The following DZIP3 variants were observed in gnomAD, a reference collection of about 807,000 sequenced individuals.
DZIP3 encodes E3 ubiquitin-protein ligase DZIP3.
Under a neutral mutation model 162.0 loss-of-function variants are expected in DZIP3, and 118 were observed. That is an observed-to-expected ratio of 0.73 (90% CI 0.63 to 0.85). The LOEUF is 0.85. Ranked by LOEUF, DZIP3 falls within the 40% of genes least tolerant of loss-of-function variation. DZIP3 has a pLI of 0.00. For synonymous variants in DZIP3, 438 were observed against 458.6 expected (o/e 0.96, Z 0.57); for missense variants, 1,331 against 1,407.0 (o/e 0.95, Z 0.86).
intron 3 of DZIP3, among the ~76,000 whole-genome samples, chr3:108,609,460 C>T (rs1425508378): frequency 9.9e-5 from 15 of 152,262 alleles, no homozygotes; most frequent in Admixed American, 7.8e-4. Context: ...AAGGTGGACA[C>T]TTTGACCTGA....
At chr3:108,669,150 G>A (rs1159532497) in intron 21 of DZIP3, among the ~76,000 whole-genome samples, 1 of 151,914 alleles carries the variant, frequency 6.6e-6, no homozygotes, top group Non-Finnish European at 1.5e-5. Flanking sequence ...ATAAGATCAT[G>A]TGAGTGACCC....
chr3:108,684,133 A>G, intron 26 of DZIP3, 83 bp from the exon 27 acceptor site: 2 of 1,466,932 alleles, frequency 1.4e-6, no homozygotes, highest in South Asian at 1.4e-5. Context: ...ATATTGCTGT[A>G]TGAATTTAGA....
intron 21 of DZIP3, among the ~76,000 whole-genome samples, chr3:108,665,482 T>C (rs1943629122): frequency 6.6e-6 from 1 of 151,924 alleles, no homozygotes; most frequent in African/African-American, 2.4e-5. Flanking sequence ...TTTGAGCCAA[T>C]AACAAAAGAG....
At chr3:108,645,032 G>A (rs528717907) in intron 14 of DZIP3, among the ~76,000 whole-genome samples, 1 of 152,300 alleles carries the variant, frequency 6.6e-6, no homozygotes, top group South Asian at 2.1e-4. Flanking sequence ...GTGTGCAGAA[G>A]TTAGCCAGGT....
intron 19 of DZIP3, among the ~76,000 whole-genome samples, chr3:108,657,549 A>C (rs1943191428): frequency 6.6e-6 from 1 of 152,246 alleles, no homozygotes; most frequent in Admixed American, 6.5e-5. Flanking sequence ...CAAATTGTAA[A>C]GACCATCGAG....
At chr3:108,675,733 C>A (rs772839031) in intron 24 of DZIP3, 53 bp from the exon 25 acceptor site, 2 of 1,504,246 alleles carry the variant, frequency 1.3e-6, no homozygotes, top group East Asian at 2.3e-5. Flanking sequence ...GTTTGGAAAC[C>A]TAAGTGTTAT....
intron 1 of DZIP3, among the ~76,000 whole-genome samples, chr3:108,591,201 A>G (rs1384102637): frequency 6.6e-6 from 1 of 152,256 alleles, no homozygotes; most frequent in Non-Finnish European, 1.5e-5. Context: ...ACTGTATGCC[A>G]GAAACAAGGA....
intron 8 of DZIP3, among the ~76,000 whole-genome samples, chr3:108,631,055 A>ACACACACACTCT: frequency 2.1e-3 from 38 of 18,014 alleles, no homozygotes; most frequent in East Asian, 5.1e-3. Context: ...ACACACACAC[A>ACACACACACTCT]CTCTCTCTCT....
intron 32 of DZIP3, 153 bp downstream of exon 32, chr3:108,691,056 A>G: frequency 1.7e-6 from 1 of 591,076 alleles, no homozygotes; most frequent in Non-Finnish European, 2.9e-6. Flanking sequence ...AATCTTCAGG[A>G]CTTGTGAAAT....
At position 108,688,632 on chromosome 3, in the gene DZIP3, C is replaced by T. The variant is rs202173076; in HGVS notation, c.3310C>T (p.Pro1104Ser). The change falls in exon 30 of 33, where the codon CCT becomes TCT. Residue 1104 changes from proline to serine, a missense_variant. This residue lies in a region of DZIP3 where 1,278 missense variants were observed against 1,317.1 expected (regional missense o/e 0.97). Coordinates refer to ENST00000361582, the MANE Select transcript of DZIP3 (RefSeq NM_014648.4). ...KSVSNVNCVS[P>S]SHSPSQPDAA... ...AGTGTCAAATGTTAATTGTGTTTCACCTAGTCATTCTCCATCACAGCCTGA... is the reference window on the plus strand; with the variant it reads ...AGTGTCAAATGTTAATTGTGTTTCATCTAGTCATTCTCCATCACAGCCTGA... 2 of 1,613,980 alleles carry T rather than the reference C, an allele frequency of 1.2e-6. No individual in the cohort carries two copies. Among genetic ancestry groups the T allele is most frequent in the East Asian group, 4.5e-5 (2 of 44,874 alleles).
At chr3:108,611,031 A>AT in intron 3 of DZIP3, 143 bp from the exon 4 acceptor site, 5 of 702,024 alleles carry the variant, frequency 7.1e-6, no homozygotes, top group Admixed American at 3.5e-5. Context: ...TCTTCCTTAG[A>AT]TTTTTTATAA....
chr3:108,666,950 C>A (rs747777754), intron 21 of DZIP3, among the ~76,000 whole-genome samples: 1 of 151,986 alleles, frequency 6.6e-6, no homozygotes, highest in Non-Finnish European at 1.5e-5. Context: ...ATAATCCAAG[C>A]TCTCACTTCA....
Position 108,644,208 on chromosome 3 carries a change from C to A in DZIP3, c.1186C>A (p.Leu396Met), listed in dbSNP as rs1942519090. The change falls in exon 14 of 33, where the codon CTG becomes ATG. Residue 396 changes from leucine to methionine, a missense_variant. Physicochemically the swap from Leu to Met is conservative, Grantham distance 15. Transcript: ENST00000361582. ...FKLDYNYFYH[L>M]LHIIIISGTD... ...GCTTGATTATAATTATTTCTATCAT[C>A]TGCTTCATATAATTATTATTTCTGG... 1 of 1,607,738 alleles carries A rather than the reference C, an allele frequency of 6.2e-7. No homozygotes were observed. The highest frequency in any genetic ancestry group is 1.1e-5 in the South Asian group (1 of 90,042).
At chr3:108,633,589 A>G (rs549186750) in intron 9 of DZIP3, among the ~76,000 whole-genome samples, 8 of 151,456 alleles carry the variant, frequency 5.3e-5, no homozygotes, top group Non-Finnish European at 1.0e-4. Flanking sequence ...CTCTGGATCT[A>G]TCAGAATACT....
rs41270423 is a variant in DZIP3 at position 108,688,812 on chromosome 3, A to G, written c.3415-11A>G. On this transcript the variant is annotated splice_polypyrimidine_tract_variant and intron_variant, in intron 30 of 32. Transcript: ENST00000361582. The stretch of plus-strand genomic sequence containing the variant: ...ATGAGCTAAATTTAACATTTTCTGT[A>G]TTTTCCCTAGGATGAGGAAGAGGAA... 123 of 1,613,982 alleles carry G rather than the reference A, an allele frequency of 7.6e-5. 2 individuals carry two copies. In the Middle Eastern group the frequency reaches 3.5e-3, roughly 45 times the overall value.
At chr3:108,683,536 C>T (rs1406566893) in intron 26 of DZIP3, among the ~76,000 whole-genome samples, 4 of 152,232 alleles carry the variant, frequency 2.6e-5, no homozygotes, top group East Asian at 3.9e-4. Flanking sequence ...AATAAATCTG[C>T]CCCCTTCTCT....
chr3:108,674,041 C>G (rs1055015692), intron 23 of DZIP3, 37 bp from the exon 24 acceptor site: 5 of 1,464,810 alleles, frequency 3.4e-6, no homozygotes, highest in Non-Finnish European at 4.8e-6. Context: ...TACAAGCACA[C>G]CTTCAACTTC....
chr3:108,592,937 T>C (rs11922147), intron 1 of DZIP3, among the ~76,000 whole-genome samples: 10,504 of 152,236 alleles, frequency 0.069, 512 homozygotes, highest in African/African-American at 0.13. Context: ...CTCCAAAATA[T>C]GGAAAATCAT....
At chr3:108,635,006 T>G (rs1390789712) in intron 10 of DZIP3, 34 bp downstream of exon 10, 2 of 1,299,592 alleles carry the variant, frequency 1.5e-6, no homozygotes, top group Non-Finnish European at 2.2e-6. Context: ...ACAACAGCAT[T>G]TCTTCCTCTA....
Sources: allele counts gnomAD v4.1 joint callset (sites outside exome capture counted in the v4.1 genomes callset), GRCh38; gene constraint gnomAD v4.1.1; regional missense constraint gnomAD v4.1.1; transcripts MANE v1.5; gene names NCBI Gene and HGNC (gene_info 2026-07-23, HGNC 2026-07-21).